The following CFAP61 variants were observed in gnomAD, a reference collection of about 807,000 sequenced individuals.
The protein encoded by CFAP61 is cilia- and flagella-associated protein 61.
CFAP61 carries 107 observed loss-of-function variants against 135.6 expected under a neutral mutation model. The observed-to-expected ratio is 0.79, with a 90% CI of 0.67 to 0.93. The LOEUF (loss-of-function observed/expected upper bound fraction) is 0.93, where lower values mean the gene tolerates loss of function less well. Among genes scored for constraint, CFAP61 ranks in the 40% least tolerant of loss-of-function variants. The pLI is 0.00. For missense variants in CFAP61, 1,507 were observed against 1,556.2 expected (o/e 0.97, Z 0.53); for synonymous variants, 575 against 578.5 (o/e 0.99, Z 0.09).
rs773074021 is a variant in CFAP61 at position 20,262,972 on chromosome 20, A to T, written c.2345A>T (p.Glu782Val). 10 of 1,613,018 alleles carry T rather than the reference A, an allele frequency of 6.2e-6. No homozygotes were observed. In the South Asian group the frequency reaches 9.9e-5, roughly 16 times the overall value. Residue 782 changes from glutamate to valine, a missense_variant, in exon 21 of 27, where the codon GAG becomes GTG. Coordinates refer to ENST00000245957, the MANE Select transcript of CFAP61 (RefSeq NM_015585.4). ...GQQYQVPCPT[E>V]ADISQHLTNR... ...ATGCTTCAGGTCCCATGCCCTACAG[A>T]GGCTGATATTAGTCAACACCTGACA...
intron 2 of CFAP61, among the ~76,000 whole-genome samples, chr20:20,068,800 A>G (rs2045501212): frequency 1.3e-5 from 2 of 152,162 alleles, no homozygotes; most frequent in African/African-American, 2.4e-5. Context: ...GCTGCAGTGC[A>G]GTGGTGCCAT....
intron 23 of CFAP61, among the ~76,000 whole-genome samples, chr20:20,290,012 G>A (rs1346421935): frequency 6.6e-6 from 1 of 152,218 alleles, no homozygotes; most frequent in Non-Finnish European, 1.5e-5. Flanking sequence ...GCAGATACAG[G>A]TTAAAGGGCG....
chr20:20,056,720 G>C lies in CFAP61; in HGVS notation c.67G>C (p.Asp23His), dbSNP rs1430566232. Reference sequence around the variant, plus strand: ...TCATTGCCGAAGAACAGAATCACAGGATGTTTATTGTATCAAAAGCCTTAT... The same window carrying C: ...TCATTGCCGAAGAACAGAATCACAGCATGTTTATTGTATCAAAAGCCTTAT... ...VVHCRRTESQ[D>H]VYCIKSLIRK... The change falls in exon 2 of 27, where the codon GAT (aspartate) becomes CAT (histidine). Residue 23 changes from aspartate to histidine, a missense_variant. Asp to His is a moderately conservative substitution (Grantham distance 81). Transcript: ENST00000245957. 3.1e-6 allele frequency: 5 copies of C among 1,614,012 alleles called. No homozygotes were observed. The highest frequency in any genetic ancestry group is 2.2e-5 in the East Asian group (1 of 44,880).
chr20:20,338,112 C>T (rs976980172), intron 25 of CFAP61, among the ~76,000 whole-genome samples: 1 of 152,164 alleles, frequency 6.6e-6, no homozygotes, highest in Non-Finnish European at 1.5e-5. Flanking sequence ...GGAGACAGGA[C>T]ACAGGCTGCT....
In CFAP61 at chr20:20,126,167, T is replaced by TA. The variant is rs527561765; in HGVS notation, c.860-16689dup. 9.2e-5 allele frequency among the ~76,000 whole-genome samples: 14 copies of TA among 151,920 alleles called. No homozygotes were observed. In the South Asian group the frequency reaches 2.5e-3, roughly 27 times the overall value. ...TGAGTTCTTATCAATTCTCCAGTTC[T>TA]ATATGTTTTAAGCGGAACATTTAGG... On this transcript the variant is annotated intron_variant, in intron 8 of 26. Transcript: ENST00000245957.
intron 25 of CFAP61, among the ~76,000 whole-genome samples, chr20:20,310,343 AAACT>A (rs1267709895): frequency 6.6e-6 from 1 of 152,180 alleles, no homozygotes; most frequent in Non-Finnish European, 1.5e-5. Flanking sequence ...GGTTTTAACT[AAACT>A]AACCCTCCAC....
At chr20:20,157,051 A>T (rs1320438448) in intron 9 of CFAP61, among the ~76,000 whole-genome samples, 1 of 152,186 alleles carries the variant, frequency 6.6e-6, no homozygotes, top group Non-Finnish European at 1.5e-5. Context: ...AAGCTGTAGG[A>T]TAACACTAAC....
chr20:20,232,463 C>G (rs1402586516), intron 18 of CFAP61, among the ~76,000 whole-genome samples: 1 of 152,060 alleles, frequency 6.6e-6, no homozygotes, highest in Non-Finnish European at 1.5e-5. Flanking sequence ...CATCCTTTCA[C>G]TCCTGGTGTG....
intron 8 of CFAP61, among the ~76,000 whole-genome samples, chr20:20,121,131 G>T (rs1258913543): frequency 1.5e-5 from 2 of 135,350 alleles, no homozygotes; most frequent in African/African-American, 2.8e-5. Context: ...TTTTGAGACA[G>T]GGTCTCCCTC....
intron 22 of CFAP61, among the ~76,000 whole-genome samples, chr20:20,288,186 A>G (rs1276459275): frequency 6.6e-6 from 1 of 152,184 alleles, no homozygotes; most frequent in African/African-American, 2.4e-5. Context: ...ACTGGATGAG[A>G]TCAACCCAAG....
At chr20:20,069,425 A>G (rs374405700) in intron 2 of CFAP61, among the ~76,000 whole-genome samples, 1 of 152,106 alleles carries the variant, frequency 6.6e-6, no homozygotes, top group African/African-American at 2.4e-5. Context: ...GATTACAGGC[A>G]TGTACCACCA....
rs1022884424 is a variant in CFAP61, at chr20:20,341,030, C to T, written c.3423-801C>T. Among the ~76,000 whole-genome samples the T allele has an allele frequency of 3.3e-5, 5 of 152,148 alleles. No homozygotes were observed. The East Asian group carries it at 9.7e-4, about 29-fold the overall frequency. Reference sequence around the variant, plus strand: ...GAAGGTGCCCATTCACGTGGGGGCACCAGGTTTTTCCTTCCCCTGTGCGCA... The same window carrying T: ...GAAGGTGCCCATTCACGTGGGGGCATCAGGTTTTTCCTTCCCCTGTGCGCA... On this transcript the variant is annotated intron_variant, in intron 25 of 26. Coordinates refer to ENST00000245957, the MANE Select transcript of CFAP61 (RefSeq NM_015585.4).
chr20:20,160,762 T>C (rs2053329770), intron 10 of CFAP61, among the ~76,000 whole-genome samples: 1 of 152,200 alleles, frequency 6.6e-6, no homozygotes, highest in African/African-American at 2.4e-5. Flanking sequence ...TCCTGAGCAC[T>C]CTGTGAAGAC....
rs781771260 is a variant in CFAP61 at position 20,196,708 on chromosome 20, G to A, written c.1729G>A (p.Glu577Lys). The change falls in exon 16 of 27, where the codon GAG (glutamate) becomes AAG (lysine). Residue 577 changes from glutamate (E) to lysine (K), a missense_variant. Glu to Lys is a moderately conservative substitution (Grantham distance 56, BLOSUM62 1). Coordinates refer to ENST00000245957, the MANE Select transcript of CFAP61 (RefSeq NM_015585.4). ...GCACTACACCAAGTTCTTTCTGAAG[G>A]AGATCCTGCGTTTAGGCTTTAAATC... The part of the protein sequence containing the change: ...FRHYTKFFLK[E>K]ILRLGFKSCL... 5.0e-6 allele frequency: 8 copies of A among 1,614,132 alleles called. No individual in the cohort carries two copies. Among genetic ancestry groups the A allele is most frequent in the Non-Finnish European group, 6.8e-6 (8 of 1,180,034 alleles).
intron 2 of CFAP61, among the ~76,000 whole-genome samples, chr20:20,061,651 A>C: frequency 6.6e-6 from 1 of 152,342 alleles, no homozygotes; most frequent in Admixed American, 6.5e-5. Flanking sequence ...CTAACAACAC[A>C]GTTCTAAAAT....
intron 26 of CFAP61, among the ~76,000 whole-genome samples, chr20:20,348,948 C>T (rs2058737214): frequency 6.6e-6 from 1 of 152,096 alleles, no homozygotes; most frequent in African/African-American, 2.4e-5. Flanking sequence ...GACAAGGATG[C>T]CTGCTTTCAC....
At chr20:20,321,229 A>G (rs781440403) in intron 25 of CFAP61, among the ~76,000 whole-genome samples, 4 of 152,176 alleles carry the variant, frequency 2.6e-5, no homozygotes, top group Non-Finnish European at 5.9e-5. Flanking sequence ...CAAGGTGTCA[A>G]TAGTTATGCC....
intron 22 of CFAP61, among the ~76,000 whole-genome samples, chr20:20,281,013 C>A (rs1371996938): frequency 6.6e-6 from 1 of 152,028 alleles, no homozygotes; most frequent in Non-Finnish European, 1.5e-5. Context: ...AGTATTTCTC[C>A]TTTTTGTGAA....
intron 18 of CFAP61, among the ~76,000 whole-genome samples, chr20:20,241,723 C>A (rs890514770): frequency 4.6e-5 from 7 of 152,002 alleles, no homozygotes; most frequent in African/African-American, 1.7e-4. Context: ...TAACATAAAC[C>A]ACATATCTAT....
Sources: allele counts gnomAD v4.1 joint callset (sites outside exome capture counted in the v4.1 genomes callset), GRCh38; gene constraint gnomAD v4.1.1; transcripts MANE v1.5; gene names NCBI Gene and HGNC (gene_info 2026-07-23, HGNC 2026-07-21).